The following FAM107B variants were observed in gnomAD, a reference collection of about 807,000 sequenced individuals.
FAM107B encodes the protein protein FAM107B.
A neutral mutation model predicts 31.5 loss-of-function variants in FAM107B; 21 were observed. The ratio of observed to expected loss-of-function variants is 0.67; its 90% confidence interval spans 0.47 to 0.96. The LOEUF (loss-of-function observed/expected upper bound fraction) is 0.96. FAM107B is among the 40% of genes least tolerant of loss of function. The pLI is 0.00. For synonymous variants in FAM107B, 157 were observed against 141.5 expected (o/e 1.11, Z -0.78); for missense variants, 452 against 377.1 (o/e 1.20, Z -1.64).
intron 2 of FAM107B, among the ~76,000 whole-genome samples, chr10:14,567,342 G>C (rs876655): frequency 0.75 from 113,342 of 151,988 alleles, 43,303 homozygotes; most frequent in Middle Eastern, 0.86. Context: ...GCCTTCGCAC[G>C]ACTGTCCCGT....
chr10:14,616,145 T>C (rs1852844316), intron 2 of FAM107B, among the ~76,000 whole-genome samples: 2 of 152,164 alleles, frequency 1.3e-5, no homozygotes, highest in South Asian at 4.1e-4. Flanking sequence ...ATAATAATAA[T>C]ATTGACCTGC....
intron 2 of FAM107B, among the ~76,000 whole-genome samples, chr10:14,621,753 C>T (rs1048612324): frequency 2.6e-5 from 4 of 152,092 alleles, no homozygotes; most frequent in Admixed American, 6.5e-5. Flanking sequence ...TGAGGCCTTC[C>T]CAGCCGATGT....
intron 2 of FAM107B, among the ~76,000 whole-genome samples, chr10:14,664,404 A>G (rs1854354082): frequency 6.6e-6 from 1 of 152,218 alleles, no homozygotes; most frequent in South Asian, 2.1e-4. Context: ...GTGCCATGTA[A>G]CAATGTTTTG....
intron 2 of FAM107B, chr10:14,553,353 T>C (rs1187828626): frequency 7.8e-7 from 1 of 1,279,876 alleles, no homozygotes; most frequent in Non-Finnish European, 1.0e-6. Context: ...TCCAACAGTT[T>C]CTCTATCCAC....
At chr10:14,547,875 G>C (rs1848846152) in intron 2 of FAM107B, among the ~76,000 whole-genome samples, 1 of 152,210 alleles carries the variant, frequency 6.6e-6, no homozygotes. Context: ...AATGAAAACT[G>C]AGCGTGAGGA....
intron 1 of FAM107B, among the ~76,000 whole-genome samples, chr10:14,694,663 C>A (rs1304729468): frequency 6.6e-6 from 1 of 152,146 alleles, no homozygotes; most frequent in African/African-American, 2.4e-5. Flanking sequence ...GGATTACAGG[C>A]GCGGGACACC....
At chr10:14,549,071 G>A (rs996381561) in intron 2 of FAM107B, among the ~76,000 whole-genome samples, 2 of 152,126 alleles carry the variant, frequency 1.3e-5, no homozygotes, top group Non-Finnish European at 2.9e-5. Flanking sequence ...TGCCATGTGA[G>A]GACACAATGA....
chr10:14,541,221 T>G (rs953538102), intron 2 of FAM107B, among the ~76,000 whole-genome samples: 1 of 152,128 alleles, frequency 6.6e-6, no homozygotes, highest in Non-Finnish European at 1.5e-5. Flanking sequence ...TTCCCTCTAA[T>G]CCGGCTGCAT....
In FAM107B at chr10:14,774,699, C is replaced by A. The variant is rs1229966894; in HGVS notation, c.-36G>T. ...GAATCATTGCAAAGTTCAAACGGGG[C>A]AAGGAAATTTTCCAGGGGTCCACAT... On this transcript the variant is annotated 5_prime_UTR_variant, in exon 1 of 5. Transcript: ENST00000181796. 2 of 1,583,402 alleles carry A rather than the reference C, an allele frequency of 1.3e-6. No individual in the cohort carries two copies. Among genetic ancestry groups the A allele is most frequent in the Admixed American group, 1.7e-5 (1 of 57,532 alleles).
chr10:14,531,946 A>C (rs551138733), intron 2 of FAM107B, among the ~76,000 whole-genome samples: 1 of 152,296 alleles, frequency 6.6e-6, no homozygotes, highest in East Asian at 1.9e-4. Context: ...CTCAGGCTTA[A>C]GTAAGTCCTC....
At chr10:14,540,191 A>C (rs925559630) in intron 2 of FAM107B, among the ~76,000 whole-genome samples, 3 of 152,122 alleles carry the variant, frequency 2.0e-5, no homozygotes, top group African/African-American at 4.8e-5. Flanking sequence ...GAGAAATTTC[A>C]CCCTGAGAAG....
intron 1 of FAM107B, among the ~76,000 whole-genome samples, chr10:14,712,498 G>A (rs1224677716): frequency 1.3e-5 from 2 of 150,752 alleles, no homozygotes; most frequent in Non-Finnish European, 2.9e-5. Context: ...GGAGGCTGAG[G>A]CAGGAGAATC....
chr10:14,521,124 G>T lies in FAM107B; in HGVS notation c.*66C>A. ...AATATTCTCCAGGGGCTTTTGCCCT[G>T]AGATTGAGAAGGCACCCACAGACAG... On this transcript the variant is annotated 3_prime_UTR_variant, in exon 5 of 5. Coordinates refer to ENST00000181796, the MANE Select transcript of FAM107B (RefSeq NM_031453.4). 1 of 1,256,786 alleles carries T rather than the reference G, an allele frequency of 8.0e-7. No individual in the cohort carries two copies. Among genetic ancestry groups the T allele is most frequent in the Non-Finnish European group, 1.1e-6 (1 of 881,720 alleles). The allele number at this position is 1,256,786 out of a possible 1,614,324, so 77.9% of individuals were successfully genotyped here. A position where few individuals can be genotyped will look rare whatever the true frequency, so the allele number is the denominator to read the frequency against.
chr10:14,578,854 G>A (rs1301045764), intron 2 of FAM107B, among the ~76,000 whole-genome samples: 5 of 152,164 alleles, frequency 3.3e-5, no homozygotes, highest in African/African-American at 9.7e-5. Context: ...AAAGAATGCC[G>A]CAAGTTAGCT....
At chr10:14,663,616 C>T (rs1436530794) in intron 2 of FAM107B, 6 of 152,144 alleles carry the variant, frequency 3.9e-5, no homozygotes, top group African/African-American at 1.4e-4. Context: ...GCTAATGTAT[C>T]CATGAAGCTA....
intron 1 of FAM107B, among the ~76,000 whole-genome samples, chr10:14,738,374 T>C (rs962867315): frequency 6.6e-6 from 1 of 152,188 alleles, no homozygotes; most frequent in African/African-American, 2.4e-5. Flanking sequence ...CCCACTTATC[T>C]AGAGAATCAG....
At chr10:14,652,992 T>C (rs1853940549) in intron 2 of FAM107B, among the ~76,000 whole-genome samples, 1 of 152,232 alleles carries the variant, frequency 6.6e-6, no homozygotes, top group Admixed American at 6.5e-5. Context: ...ATGTGATGCA[T>C]GGACTTCTAG....
chr10:14,625,095 T>C (rs1422087712), intron 2 of FAM107B, among the ~76,000 whole-genome samples: 2 of 151,906 alleles, frequency 1.3e-5, no homozygotes, highest in African/African-American at 2.4e-5. Flanking sequence ...CATGGTGGCA[T>C]GCACCTGTAA....
chr10:14,620,608 T>C (rs1185467733), intron 2 of FAM107B, among the ~76,000 whole-genome samples: 2 of 152,166 alleles, frequency 1.3e-5, no homozygotes, highest in Non-Finnish European at 2.9e-5. Flanking sequence ...GGTATACACG[T>C]GCCATATTGG....
Sources: gnomAD v4.1 joint callset for allele counts (sites outside exome capture counted in the v4.1 genomes callset) on GRCh38, gnomAD v4.1.1 for gene constraint, MANE v1.5 for transcripts, NCBI Gene and HGNC (gene_info 2026-07-23, HGNC 2026-07-21) for gene names.